TBC1D8B: variants seen among roughly 807,000 people sequenced by gnomAD.
The protein encoded by TBC1D8B is RP11-321G1.1.
TBC1D8B carries 75 observed loss-of-function variants against 82.9 expected under a neutral mutation model. The ratio of observed to expected loss-of-function variants is 0.90; its 90% CI spans 0.75 to 1.10. The LOEUF is 1.10. Among genes scored for constraint, TBC1D8B ranks in the 50% least tolerant of loss-of-function variants. The probability of loss-of-function intolerance (pLI) is 0.00; values close to 1 mark genes in which losing one functional copy is unlikely to be tolerated. For synonymous variants in TBC1D8B, 276 were observed against 276.8 expected, an observed-to-expected ratio of 1.00 and a Z score of 0.03; for missense variants, 794 against 796.9, an observed-to-expected ratio of 1.00 and a Z score of 0.04.
At chrX:106,834,331 C>T (rs899011938) in intron 7 of TBC1D8B, among the ~76,000 whole-genome samples, 3 of 111,142 alleles carry the variant, frequency 2.7e-5, no homozygotes, top group African/African-American at 9.9e-5. Context: ...AACTCACTCA[C>T]TATCATGAGA....
intron 7 of TBC1D8B, chrX:106,827,945 C>G (rs943973201): frequency 9.0e-5 from 10 of 110,810 alleles, no homozygotes; most frequent in African/African-American, 3.3e-4. Flanking sequence ...AAAATCAGAG[C>G]AGAACTGAAG....
At chrX:106,852,574 T>C (rs1471961480) in intron 12 of TBC1D8B, among the ~76,000 whole-genome samples, 1 of 111,356 alleles carries the variant, frequency 9.0e-6, no homozygotes, top group Admixed American at 9.6e-5. Context: ...CTGTAATCCA[T>C]CTTGAATTAA....
intron 7 of TBC1D8B, among the ~76,000 whole-genome samples, chrX:106,839,086 G>T (rs1303209714): frequency 9.0e-6 from 1 of 111,643 alleles, no homozygotes; most frequent in Non-Finnish European, 1.9e-5. Flanking sequence ...CCACTATTTT[G>T]TTGCTTTTGT....
chrX:106,839,561 G>T, intron 8 of TBC1D8B, 104 bp downstream of exon 8: 1 of 882,794 alleles, frequency 1.1e-6, no homozygotes, highest in Non-Finnish European at 1.5e-6. Context: ...TCTTCTTTTG[G>T]GACTTGAAAA....
At chrX:106,851,037 G>T (rs1197831752) in intron 12 of TBC1D8B, among the ~76,000 whole-genome samples, 1 of 111,498 alleles carries the variant, frequency 9.0e-6, no homozygotes, top group African/African-American at 3.3e-5. Context: ...ACCCCAAAAT[G>T]ATTCCTACAC....
At chrX:106,845,858 A>G (rs927075625) in intron 10 of TBC1D8B, among the ~76,000 whole-genome samples, 3 of 110,696 alleles carry the variant, frequency 2.7e-5, no homozygotes, top group African/African-American at 9.9e-5. Flanking sequence ...GTTTTCAACA[A>G]ACACCACAGG....
intron 1 of TBC1D8B, among the ~76,000 whole-genome samples, chrX:106,810,669 C>G (rs1055010912): frequency 8.9e-6 from 1 of 111,823 alleles, no homozygotes; most frequent in Middle Eastern, 4.2e-3. Context: ...TATCAGATAT[C>G]CACTAGAAGT....
chrX:106,819,512 C>A, intron 2 of TBC1D8B, among the ~76,000 whole-genome samples: 1 of 111,193 alleles, frequency 9.0e-6, no homozygotes, highest in African/African-American at 3.3e-5. Flanking sequence ...TTCTTATCCC[C>A]CTCTCTTCTA....
chrX:106,805,072 CTTTTTTTTT>C (rs11432144), intron 1 of TBC1D8B, among the ~76,000 whole-genome samples: 1 of 54,580 alleles, frequency 1.8e-5, no homozygotes, highest in African/African-American at 7.9e-5. Flanking sequence ...TGCAAGTTTC[CTTTTTTTTT>C]TTTTTTTTTT....
At position 106,850,093 on chromosome X, in the gene TBC1D8B, A is replaced by G; in HGVS notation, c.1906A>G (p.Met636Val). Residue 636 changes from methionine (M) to valine (V), a missense_variant, in exon 12 of 21, where the codon ATG becomes GTG. By Grantham distance (21) the Met-to-Val change is conservative. Coordinates refer to ENST00000357242, the MANE Select transcript of TBC1D8B (RefSeq NM_017752.3). ...TCACCTTCCTCAGCTGACAGAACACATGACTGATATGACATTCTTTTCCTC... is the reference window on the plus strand; with the variant it reads ...TCACCTTCCTCAGCTGACAGAACACGTGACTGATATGACATTCTTTTCCTC... ...RDHLPQLTEH[M>V]TDMTFFSSVS... 8.3e-7 allele frequency: 1 copy of G among 1,211,085 alleles called. No individual in the cohort carries two copies. The highest frequency in any genetic ancestry group is 1.1e-6 in the Non-Finnish European group (1 of 895,052).
At chrX:106,869,659 T>C in intron 19 of TBC1D8B, 118 bp downstream of exon 19, 1 of 464,659 alleles carries the variant, frequency 2.2e-6, no homozygotes, top group Non-Finnish European at 3.5e-6. Context: ...TCAGAAATTA[T>C]AGAAAATATG....
chrX:106,840,705 T>C lies in TBC1D8B; in HGVS notation c.1540T>C (p.Tyr514His). ...TGACATGGCTACTAATCCTGACTAT[T>C]ATACTGAAGTGGTTGAGCAGTCCTT... Reference protein sequence around the residue: ...VNDMATNPDYYTEVVEQSLGT... With the variant: ...VNDMATNPDYHTEVVEQSLGT... Residue 514 changes from tyrosine (Y) to histidine (H), a missense_variant, in exon 10 of 21, where the codon TAT becomes CAT. Coordinates refer to ENST00000357242, the MANE Select transcript of TBC1D8B (RefSeq NM_017752.3). The C allele has an allele frequency of 8.3e-7, 1 of 1,211,352 alleles. No homozygotes were observed. The highest frequency in any genetic ancestry group is 1.1e-6 in the Non-Finnish European group (1 of 895,183).
At chrX:106,834,384 A>G (rs750297479) in intron 7 of TBC1D8B, among the ~76,000 whole-genome samples, 65 of 111,211 alleles carry the variant, frequency 5.8e-4, no homozygotes, top group Admixed American at 5.2e-3. Flanking sequence ...ATCTCCACCT[A>G]GTCCTGCCCT....
chrX:106,853,247 A>T (rs1306941973), intron 12 of TBC1D8B, among the ~76,000 whole-genome samples: 1 of 111,086 alleles, frequency 9.0e-6, no homozygotes. Context: ...GTGTATAAGA[A>T]TGCTTGTGAT....
intron 20 of TBC1D8B, among the ~76,000 whole-genome samples, chrX:106,871,039 C>T (rs1308946089): frequency 9.0e-6 from 1 of 111,381 alleles, no homozygotes; most frequent in Admixed American, 9.5e-5. Context: ...TCTGCTGTGA[C>T]ATGTACCTAT....
chrX:106,839,334 G>C lies in TBC1D8B; in HGVS notation c.1230G>C (p.Glu410Asp), dbSNP rs375240927. 32 of 1,180,999 alleles carry C rather than the reference G, an allele frequency of 2.7e-5. No homozygotes were observed. The highest frequency in any genetic ancestry group is 3.4e-5 in the Non-Finnish European group (30 of 880,787). Residue 410 changes from glutamate to aspartate, a missense_variant, in exon 8 of 21, where the codon GAG becomes GAC. Transcript: ENST00000357242. ...TTGCTATTAGTTCTGAGTCTACAGAGCCATCTGATAATTTTGAGGTGCAAT... is the reference window on the plus strand; with the variant it reads ...TTGCTATTAGTTCTGAGTCTACAGACCCATCTGATAATTTTGAGGTGCAAT... ...TELAISSEST[E>D]PSDNFEVQSL...
At chrX:106,856,494 A>C (rs780476482) in intron 14 of TBC1D8B, among the ~76,000 whole-genome samples, 3 of 110,812 alleles carry the variant, frequency 2.7e-5, no homozygotes, top group Non-Finnish European at 3.8e-5. Context: ...TTAGAACTTT[A>C]ATATACCTAG....
intron 14 of TBC1D8B, 54 bp downstream of exon 14, chrX:106,854,350 A>T: frequency 1.2e-6 from 1 of 813,039 alleles, no homozygotes; most frequent in South Asian, 3.1e-5. Context: ...TTTTTTCTAT[A>T]ACTTTCTTTA....
chrX:106,841,311 G>T (rs1932300159), intron 10 of TBC1D8B, among the ~76,000 whole-genome samples: 1 of 111,718 alleles, frequency 9.0e-6, no homozygotes, highest in African/African-American at 3.2e-5. Context: ...AGTCAGAGAA[G>T]GCTTCGTGGA....
Sources: allele counts gnomAD v4.1 joint callset (sites outside exome capture counted in the v4.1 genomes callset), GRCh38; gene constraint gnomAD v4.1.1; transcripts MANE v1.5; gene names NCBI Gene and HGNC (gene_info 2026-07-23, HGNC 2026-07-21).